The following OR6N1 variants were observed in gnomAD, a reference collection of about 807,000 sequenced individuals.
OR6N1 encodes olfactory receptor family 6 subfamily N member 1, also known as olfactory receptor 6N1.
For synonymous variants in OR6N1, 170 were observed against 150.7 expected (o/e 1.13, Z -0.94); for missense variants, 394 against 371.7 (o/e 1.06, Z -0.49).
chr1:158,809,571 A>G, the OR6N1 span, among the ~76,000 whole-genome samples: 2 of 152,062 alleles, frequency 1.3e-5, no homozygotes, highest in African/African-American at 4.8e-5. Context: ...ATCCCTTTCT[A>G]TGTTATAATA....
At chr1:158,776,452 C>CA (rs1558035321), upstream of OR6N1, 3 of 374,278 alleles carry the variant, frequency 8.0e-6, no homozygotes, top group Admixed American at 1.3e-4. Flanking sequence ...AATATACATG[C>CA]TTTTTTTTAA....
the OR6N1 span, among the ~76,000 whole-genome samples, chr1:158,787,646 C>T: frequency 3.5e-4 from 53 of 151,220 alleles, no homozygotes; most frequent in Middle Eastern, 0.017. Flanking sequence ...CACACACACA[C>T]ACACACACAC....
chr1:158,791,241 A>G, the OR6N1 span, among the ~76,000 whole-genome samples: 3 of 152,168 alleles, frequency 2.0e-5, no homozygotes, highest in Non-Finnish European at 4.4e-5. Context: ...CTTTAATGCT[A>G]TAAACATCGC....
chr1:158,778,858 CAAA>C, the OR6N1 span, among the ~76,000 whole-genome samples: 1 of 146,782 alleles, frequency 6.8e-6, no homozygotes, highest in Non-Finnish European at 1.5e-5. Context: ...ACTAAAAATA[CAAA>C]AAAAAAATCA....
At chr1:158,838,308 G>T in the OR6N1 span, among the ~76,000 whole-genome samples, 1 of 151,868 alleles carries the variant, frequency 6.6e-6, no homozygotes, top group Non-Finnish European at 1.5e-5. Flanking sequence ...GTTTATCTGG[G>T]AATGTCTTAA....
the OR6N1 span, among the ~76,000 whole-genome samples, chr1:158,779,732 C>G: frequency 6.6e-6 from 1 of 152,206 alleles, no homozygotes; most frequent in African/African-American, 2.4e-5. Context: ...CATCTCTCTT[C>G]TCTCCATCTG....
chr1:158,801,350 A>T, the OR6N1 span, among the ~76,000 whole-genome samples: 1 of 152,112 alleles, frequency 6.6e-6, no homozygotes, highest in African/African-American at 2.4e-5. Context: ...GTATCCATCT[A>T]GTCCCTAAAG....
the OR6N1 span, among the ~76,000 whole-genome samples, chr1:158,797,897 G>A: frequency 6.6e-6 from 1 of 152,164 alleles, no homozygotes; most frequent in South Asian, 2.1e-4. Context: ...CACTTATTAA[G>A]CAAGCTGCCA....
the OR6N1 span, among the ~76,000 whole-genome samples, chr1:158,825,982 T>C: frequency 2.6e-5 from 4 of 152,226 alleles, no homozygotes; most frequent in East Asian, 7.7e-4. Context: ...CATTATGGCC[T>C]CAATAACTAG....
At chr1:158,804,236 C>T in the OR6N1 span, among the ~76,000 whole-genome samples, 497 of 152,254 alleles carry the variant, frequency 3.3e-3, 2 homozygotes, top group African/African-American at 1.0e-2. Flanking sequence ...AATTTGATCA[C>T]CATCCTTTGG....
the OR6N1 span, among the ~76,000 whole-genome samples, chr1:158,825,177 C>T: frequency 7.2e-5 from 11 of 152,154 alleles, no homozygotes; most frequent in African/African-American, 2.4e-4. Flanking sequence ...CAGTGGCTCA[C>T]GCCTGTAATC....
At chr1:158,818,369 G>A in the OR6N1 span, among the ~76,000 whole-genome samples, 2 of 152,162 alleles carry the variant, frequency 1.3e-5, no homozygotes, top group Admixed American at 1.3e-4. Flanking sequence ...GCTGAGGGTT[G>A]GTCTGAATGG....
At chr1:158,786,845 A>G in the OR6N1 span, among the ~76,000 whole-genome samples, 2 of 147,102 alleles carry the variant, frequency 1.4e-5, no homozygotes, top group Non-Finnish European at 3.0e-5. Context: ...CTCAGGGGGG[A>G]AAAGGTGAGG....
chr1:158,795,690 C>A, the OR6N1 span, among the ~76,000 whole-genome samples: 2 of 152,160 alleles, frequency 1.3e-5, no homozygotes, highest in Non-Finnish European at 2.9e-5. Flanking sequence ...ATAAGGCCTT[C>A]CCCCATGGCC....
chr1:158,775,369 T>C (rs1657565242), upstream of OR6N1: 1 of 152,116 alleles, frequency 6.6e-6, no homozygotes, highest in African/African-American at 2.4e-5. Flanking sequence ...CATAATGTAT[T>C]TGAAGACCTG....
In OR6N1 at chr1:158,765,916, A is replaced by G; in HGVS notation, c.767T>C (p.Leu256Pro). Residue 256 changes from leucine (L) to proline (P), a missense_variant, in exon 2 of 2, where the codon CTT becomes CCT. Physicochemically the swap from Leu to Pro is moderately conservative, Grantham distance 98. Transcript: ENST00000641846. ...TVVLIFYGSI[L>P]SMYVQLKKSY... The stretch of plus-strand genomic sequence containing the variant: ...CTTCTTCAGCTGCACATACATGGAA[A>G]GGATGCTCCCATAGAAGATGAGAAC... 6.2e-7 allele frequency: 1 copy of G among 1,614,190 alleles called. No individual in the cohort carries two copies. Among genetic ancestry groups the G allele is most frequent in the Non-Finnish European group, 8.5e-7 (1 of 1,180,022 alleles).
the OR6N1 span, among the ~76,000 whole-genome samples, chr1:158,831,831 A>G: frequency 6.6e-6 from 1 of 152,156 alleles, no homozygotes; most frequent in African/African-American, 2.4e-5. Flanking sequence ...TTTAGAGGAG[A>G]TACTTGGTTT....
At chr1:158,769,579 A>T (rs1266669019) in intron 1 of OR6N1, among the ~76,000 whole-genome samples, 2 of 152,222 alleles carry the variant, frequency 1.3e-5, no homozygotes. Context: ...GAGAGTTATG[A>T]AAGACACCGA....
Position 158,766,534 on chromosome 1 carries a change from C to G in OR6N1, c.149G>C (p.Cys50Ser), listed in dbSNP as rs887830624. Residue 50 changes from cysteine (C) to serine (S), a missense_variant, in exon 2 of 2, where the codon TGC becomes TCC. Coordinates refer to ENST00000641846, the MANE Select transcript of OR6N1 (RefSeq NM_001005185.2). ...LGNLLIFLVVCLDSRLHTPMY... is the reference protein window; with the variant it reads ...LGNLLIFLVVSLDSRLHTPMY... ...GGGTGTGTGAAGCCGGGAGTCCAGG[C>G]AGACCACCAGGAATATCAGCAGGTT... The G allele has an allele frequency of 6.2e-7, 1 of 1,613,892 alleles. No homozygotes were observed. The highest frequency in any genetic ancestry group is 1.3e-5 in the African/African-American group (1 of 74,866).
Sources: allele counts gnomAD v4.1 joint callset (sites outside exome capture counted in the v4.1 genomes callset), GRCh38; gene constraint gnomAD v4.1.1; transcripts MANE v1.5; gene names NCBI Gene and HGNC (gene_info 2026-07-23, HGNC 2026-07-21).